Variants in BRINP2 observed in about 807,000 individuals in gnomAD.
BRINP2 encodes BMP/retinoic acid inducible neural specific 2, also known as BMP/retinoic acid-inducible neural-specific protein 2.
In BRINP2, 21 loss-of-function variants were observed where a neutral mutation model predicts 69.2. The ratio of observed to expected loss-of-function variants is 0.30; its 90% CI spans 0.22 to 0.44. The LOEUF (loss-of-function observed/expected upper bound fraction) is 0.44. Ranked by LOEUF, BRINP2 falls within the 20% of genes least tolerant of loss-of-function variation. BRINP2 has a pLI of 1.00. For synonymous variants in BRINP2, 380 were observed against 394.1 expected (o/e 0.96, Z 0.42); for missense variants, 877 against 986.0 (o/e 0.89, Z 1.48).
chr1:177,257,422 A>G, intron 4 of BRINP2, 38 bp downstream of exon 4: 1 of 1,541,068 alleles, frequency 6.5e-7, no homozygotes, highest in South Asian at 1.2e-5. Flanking sequence ...GGATGGGGGA[A>G]GCACTGAGGA....
chr1:177,224,893 G>A (rs1314066432), intron 1 of BRINP2, among the ~76,000 whole-genome samples: 1 of 151,910 alleles, frequency 6.6e-6, no homozygotes, highest in Non-Finnish European at 1.5e-5. Context: ...TTTTCTCCAG[G>A]CCTATAACCA....
intron 4 of BRINP2, among the ~76,000 whole-genome samples, chr1:177,270,265 G>C (rs976783416): frequency 5.9e-5 from 9 of 152,160 alleles, no homozygotes; most frequent in East Asian, 1.9e-4. Context: ...TGAAACTTGA[G>C]TGGGCCTTTC....
At chr1:177,261,197 G>A (rs557541650) in intron 4 of BRINP2, among the ~76,000 whole-genome samples, 1 of 151,724 alleles carries the variant, frequency 6.6e-6, no homozygotes, top group Admixed American at 6.6e-5. Context: ...GAGAAATGAA[G>A]TGAAAGATGA....
chr1:177,219,197 A>G (rs572678320), intron 1 of BRINP2, among the ~76,000 whole-genome samples: 26 of 152,266 alleles, frequency 1.7e-4, no homozygotes, highest in South Asian at 1.7e-3. Context: ...ATTCCAGTCT[A>G]CTTGTGGAAC....
chr1:177,223,497 A>C (rs1376909102), intron 1 of BRINP2, among the ~76,000 whole-genome samples: 4 of 152,088 alleles, frequency 2.6e-5, no homozygotes, highest in African/African-American at 9.7e-5. Flanking sequence ...TTACTTAATA[A>C]CTGATTGACT....
intron 1 of BRINP2, among the ~76,000 whole-genome samples, chr1:177,208,793 G>C (rs1256055845): frequency 6.6e-6 from 1 of 152,130 alleles, no homozygotes; most frequent in African/African-American, 2.4e-5. Context: ...TCCTTTGAAG[G>C]CACAAATAAC....
At chr1:177,233,488 G>C (rs1246267749) in intron 2 of BRINP2, among the ~76,000 whole-genome samples, 1 of 152,206 alleles carries the variant, frequency 6.6e-6, no homozygotes, top group Non-Finnish European at 1.5e-5. Context: ...CTAAAAATTA[G>C]CCTATGCAGG....
chr1:177,251,310 T>A (rs1387922747), intron 2 of BRINP2, among the ~76,000 whole-genome samples: 1 of 152,222 alleles, frequency 6.6e-6, no homozygotes, highest in Non-Finnish European at 1.5e-5. Context: ...AATTAATCCA[T>A]GTTTTGTGTA....
intron 1 of BRINP2, among the ~76,000 whole-genome samples, chr1:177,183,055 C>T (rs1435483953): frequency 1.0e-4 from 15 of 148,150 alleles, no homozygotes; most frequent in Admixed American, 1.4e-4. Context: ...TATTTAAAAG[C>T]AGGATGAAGC....
intron 4 of BRINP2, among the ~76,000 whole-genome samples, chr1:177,272,382 G>A (rs1367766954): frequency 6.6e-6 from 1 of 152,222 alleles, no homozygotes; most frequent in Non-Finnish European, 1.5e-5. Flanking sequence ...ACCCTGAAAA[G>A]CCTGGAATGT....
At chr1:177,172,642 C>T (rs1242036352) in intron 1 of BRINP2, among the ~76,000 whole-genome samples, 2 of 152,148 alleles carry the variant, frequency 1.3e-5, no homozygotes, top group Non-Finnish European at 2.9e-5. Context: ...CTGCATGGTA[C>T]ATATTTATCC....
At chr1:177,254,197 G>A (rs1388038039) in intron 2 of BRINP2, among the ~76,000 whole-genome samples, 1 of 152,062 alleles carries the variant, frequency 6.6e-6, no homozygotes, top group African/African-American at 2.4e-5. Context: ...TCTAGAATAA[G>A]GCTTCTCAAA....
rs539382825 is a variant in BRINP2 at position 177,206,034 on chromosome 1, G to A, written c.-76-23767G>A. ...CTATCTCTTGGCTCACTCTCTCTGG[G>A]GAGGCCAGATTCTGTGAGACGTGAG... On this transcript the variant is annotated intron_variant, in intron 1 of 7. Transcript: ENST00000361539. Among the ~76,000 whole-genome samples, 8 of 152,282 alleles carry A rather than the reference G, an allele frequency of 5.3e-5. No homozygotes were observed. In the East Asian group the frequency reaches 1.5e-3, roughly 29 times the overall value.
intron 2 of BRINP2, among the ~76,000 whole-genome samples, chr1:177,250,121 G>A (rs1558176873): frequency 6.6e-6 from 1 of 152,038 alleles, no homozygotes; most frequent in Non-Finnish European, 1.5e-5. Flanking sequence ...ATGTTGCCTG[G>A]GCTGGACTCA....
chr1:177,236,662 A>G (rs948696067), intron 2 of BRINP2, among the ~76,000 whole-genome samples: 5 of 152,216 alleles, frequency 3.3e-5, no homozygotes, highest in African/African-American at 1.2e-4. Context: ...AAGGTAACAC[A>G]TAGGCAAAAA....
chr1:177,217,012 C>T (rs906888523), intron 1 of BRINP2, among the ~76,000 whole-genome samples: 1 of 151,826 alleles, frequency 6.6e-6, no homozygotes, highest in Non-Finnish European at 1.5e-5. Context: ...TTGCTGACCT[C>T]CACATTTTGT....
chr1:177,180,040 G>A (rs895495648), intron 1 of BRINP2, among the ~76,000 whole-genome samples: 1 of 152,082 alleles, frequency 6.6e-6, no homozygotes, highest in Non-Finnish European at 1.5e-5. Context: ...ATGATTTGGC[G>A]AGCAGATGAA....
intron 5 of BRINP2, among the ~76,000 whole-genome samples, chr1:177,274,554 G>A (rs942089689): frequency 7.9e-5 from 12 of 152,216 alleles, no homozygotes; most frequent in Non-Finnish European, 1.3e-4. Context: ...GATGTCCCTG[G>A]ATGGGCTGGG....
intron 4 of BRINP2, among the ~76,000 whole-genome samples, chr1:177,266,481 T>A: frequency 6.6e-6 from 1 of 152,036 alleles, no homozygotes; most frequent in East Asian, 1.9e-4. Context: ...AACTTTTGGC[T>A]GGGCGCGGTG....
Sources: allele counts gnomAD v4.1 joint callset (sites outside exome capture counted in the v4.1 genomes callset), GRCh38; gene constraint gnomAD v4.1.1; transcripts MANE v1.5; gene names NCBI Gene and HGNC (gene_info 2026-07-23, HGNC 2026-07-21).